The following SREK1 variants were observed in gnomAD, a reference collection of about 807,000 sequenced individuals.
SREK1 encodes the protein splicing regulatory glutamic acid and lysine rich protein 1.
Under a neutral mutation model 66.5 loss-of-function variants are expected in SREK1, and 13 were observed. The ratio of observed to expected loss-of-function variants is 0.20; its 90% confidence interval spans 0.13 to 0.31. The LOEUF (loss-of-function observed/expected upper bound fraction) is 0.31, where lower values mean the gene tolerates loss of function less well. Ranked by LOEUF, SREK1 falls within the 10% of genes least tolerant of loss-of-function variation. SREK1 has a pLI of 1.00. For missense variants in SREK1, 607 were observed against 769.6 expected (o/e 0.79, Z 2.50); for synonymous variants, 265 against 263.5 (o/e 1.01, Z -0.05).
chr5:66,172,471 C>T (rs1003291652), intron 9 of SREK1, among the ~76,000 whole-genome samples: 5 of 152,222 alleles, frequency 3.3e-5, no homozygotes, highest in Non-Finnish European at 5.9e-5. Context: ...TCTTGACCCA[C>T]TGCAACCTCC....
chr5:66,183,071 T>C lies in SREK1; in HGVS notation c.*4203T>C, dbSNP rs1196756115. On this transcript the variant is annotated 3_prime_UTR_variant, in exon 12 of 12. Coordinates refer to ENST00000334121, the MANE Select transcript of SREK1 (RefSeq NM_001077199.3). Reference sequence around the variant, plus strand: ...AAAGGTTTTAAGTCTGTTGCCTGATTTTTAAATTTATATCTAGTTAACATT... The same window carrying C: ...AAAGGTTTTAAGTCTGTTGCCTGATCTTTAAATTTATATCTAGTTAACATT... 1 of 152,206 alleles carries C rather than the reference T, an allele frequency of 6.6e-6. No homozygotes were observed. Among genetic ancestry groups the C allele is most frequent in the Non-Finnish European group, 1.5e-5 (1 of 68,024 alleles). 9.4% of individuals were successfully genotyped at this position (152,206 alleles called of 1,614,324 possible). A position where few individuals can be genotyped will look rare whatever the true frequency, so the allele number is the denominator to read the frequency against.
At chr5:66,169,618 T>A (rs575889199) in intron 7 of SREK1, 1 of 152,412 alleles carries the variant, frequency 6.6e-6, no homozygotes, top group East Asian at 1.9e-4. Flanking sequence ...TTTATTTTCC[T>A]GTCACAGTGG....
chr5:66,175,929 GT>G (rs1561518222), intron 10 of SREK1, among the ~76,000 whole-genome samples: 1 of 151,958 alleles, frequency 6.6e-6, no homozygotes, highest in African/African-American at 2.4e-5. Flanking sequence ...TTTTACAAAG[GT>G]TTTTCATTTT....
chr5:66,160,031 G>A (rs1458114586), intron 3 of SREK1, among the ~76,000 whole-genome samples: 15 of 152,198 alleles, frequency 9.9e-5, no homozygotes, highest in Non-Finnish European at 1.5e-5. Context: ...TCGGGAGGCC[G>A]AGGCTGGAGA....
intron 2 of SREK1, chr5:66,156,647 A>C (rs1339607226): frequency 1.0e-6 from 1 of 985,214 alleles, no homozygotes; most frequent in Non-Finnish European, 1.2e-6. Flanking sequence ...TTCCCCCTGG[A>C]ATTTTAGGCA....
intron 2 of SREK1, chr5:66,156,238 T>C (rs952300254): frequency 2.3e-6 from 3 of 1,299,158 alleles, no homozygotes; most frequent in African/African-American, 1.5e-5. Context: ...TAATTTCATT[T>C]CTTTTTCTTT....
rs1278037928 is a variant in SREK1, at chr5:66,148,907, GCTAT to G, written c.161+4373_161+4376del. The stretch of plus-strand genomic sequence containing the variant: ...AAGCAAGTACACATTTGTTTGATGA[GCTAT>G]CTGTTTGTTGGCTTGCTACTCTAAT... On this transcript the variant is annotated intron_variant, in intron 1 of 11. Transcript: ENST00000334121. 8.5e-5 allele frequency among the ~76,000 whole-genome samples: 13 copies of G among 152,220 alleles called. 1 individual carries two copies. Among genetic ancestry groups the G allele is most frequent in the South Asian group, 2.1e-4 (1 of 4,822 alleles).
At position 66,155,716 on chromosome 5, in the gene SREK1, G is replaced by GT. The variant is rs535022753; in HGVS notation, c.295+2126dup. Among the ~76,000 whole-genome samples, 651 of 152,276 alleles carry GT rather than the reference G, an allele frequency of 4.3e-3. 4 individuals are homozygous for GT. Among genetic ancestry groups the GT allele is most frequent in the African/African-American group, 0.014 (598 of 41,546 alleles). Reference sequence around the variant, plus strand: ...GTTTTTTCAGTTTCTTTGAATTGCTGTTTTTTAGTGTAGACAGTAATGTGA... The same window carrying GT: ...GTTTTTTCAGTTTCTTTGAATTGCTGTTTTTTTAGTGTAGACAGTAATGTGA... On this transcript the variant is annotated intron_variant, in intron 2 of 11. Coordinates refer to ENST00000334121, the MANE Select transcript of SREK1 (RefSeq NM_001077199.3).
In SREK1 at chr5:66,163,846, T is replaced by C; in HGVS notation, c.810T>C (p.Ala270=). Residue 270 remains alanine, a synonymous_variant, in exon 6 of 12, where the codon GCT becomes GCC. Transcript: ENST00000334121. ...AACCCCCTGAGATGACACCTCAGGC[T>C]GCAGCTAAGGAGTTAGAAGAAGTAA... is the stretch of plus-strand genomic sequence containing the variant. ...IVKPPEMTPQ[A]AAKELEEVMK... is the part of the protein sequence containing the mutation. 6.2e-7 allele frequency: 1 copy of C among 1,613,786 alleles called. No individual in the cohort carries two copies. The highest frequency in any genetic ancestry group is 8.5e-7 in the Non-Finnish European group (1 of 1,179,726).
intron 1 of SREK1, among the ~76,000 whole-genome samples, chr5:66,147,071 A>T (rs1420395045): frequency 6.6e-6 from 1 of 152,160 alleles, no homozygotes; most frequent in Non-Finnish European, 1.5e-5. Context: ...AAAATGACTT[A>T]AATGACTTAA....
intron 1 of SREK1, among the ~76,000 whole-genome samples, chr5:66,152,381 G>C (rs1333408206): frequency 1.3e-5 from 2 of 152,202 alleles, no homozygotes; most frequent in Non-Finnish European, 2.9e-5. Flanking sequence ...TTTAAAAACG[G>C]CTAATGTTTG....
chr5:66,168,969 T>C (rs766139640), intron 7 of SREK1: 2 of 152,174 alleles, frequency 1.3e-5, no homozygotes, highest in African/African-American at 2.4e-5. Flanking sequence ...CTCCACTTTA[T>C]AGAGGAAGAA....
rs978749688 is a variant in SREK1, at chr5:66,177,291, T to C, written c.1581-223T>C. The stretch of plus-strand genomic sequence containing the variant: ...TGTTTTATGAGAACATATGGTGGCC[T>C]CTGCCAAAATGACTTGTGTATCCTT... On this transcript the variant is annotated intron_variant, in intron 10 of 11. Coordinates refer to ENST00000334121, the MANE Select transcript of SREK1 (RefSeq NM_001077199.3). 1.8e-5 allele frequency: 7 copies of C among 382,082 alleles called. No homozygotes were observed. The South Asian group carries it at 3.0e-4, about 17-fold the overall frequency. The allele number at this position is 382,082 out of a possible 1,614,324, so 23.7% of individuals were successfully genotyped here.
intron 2 of SREK1, among the ~76,000 whole-genome samples, chr5:66,154,707 T>G (rs1009758430): frequency 1.3e-5 from 2 of 152,194 alleles, no homozygotes; most frequent in African/African-American, 4.8e-5. Context: ...GAATAGGACA[T>G]TCTCAGTATT....
chr5:66,176,371 AC>A (rs1746056893), intron 10 of SREK1, among the ~76,000 whole-genome samples: 1 of 151,908 alleles, frequency 6.6e-6, no homozygotes, highest in Non-Finnish European at 1.5e-5. Context: ...TGTTCTCTAT[AC>A]CCCTCATTGC....
At chr5:66,175,826 C>T (rs1424632429) in intron 10 of SREK1, among the ~76,000 whole-genome samples, 1 of 152,042 alleles carries the variant, frequency 6.6e-6, no homozygotes, top group Non-Finnish European at 1.5e-5. Context: ...TCCAAGAACT[C>T]TTTTATATTA....
In SREK1 at chr5:66,164,868, T is replaced by G; in HGVS notation, c.972T>G (p.Ser324=). 6.2e-7 allele frequency: 1 copy of G among 1,614,000 alleles called. No individual in the cohort carries two copies. The highest frequency in any genetic ancestry group is 8.5e-7 in the Non-Finnish European group (1 of 1,179,868). ...CCAGGTCTAGCTCAAAATCCCATTC[T>G]AGAAGGAAAAGATCACAATCAAAAC... ...SKSRSSSKSH[S]RRKRSQSKHR... is the part of the protein sequence containing the mutation. The change falls in exon 7 of 12, where the codon TCT becomes TCG. Residue 324 remains serine (S), a synonymous_variant. Transcript: ENST00000334121.
At chr5:66,169,479 C>CTTT (rs1218702086) in intron 7 of SREK1, 1 of 152,152 alleles carries the variant, frequency 6.6e-6, no homozygotes, top group African/African-American at 2.4e-5. Flanking sequence ...ATTCAAAACA[C>CTTT]TTTTGGTTCC....
At chr5:66,174,552 G>T (rs939691028) in intron 9 of SREK1, 2 of 154,786 alleles carry the variant, frequency 1.3e-5, no homozygotes, top group African/African-American at 4.8e-5. Flanking sequence ...CAGTGGGGCA[G>T]CAAGGAGCTA....
Sources: gnomAD v4.1 joint callset for allele counts (sites outside exome capture counted in the v4.1 genomes callset) on GRCh38, gnomAD v4.1.1 for gene constraint, MANE v1.5 for transcripts, NCBI Gene and HGNC (gene_info 2026-07-23, HGNC 2026-07-21) for gene names.